The following OPCML variants were observed in gnomAD, a reference collection of about 807,000 sequenced individuals.
OPCML encodes the protein opioid-binding protein/cell adhesion molecule.
A neutral mutation model predicts 37.8 loss-of-function variants in OPCML; 13 were observed. The ratio of observed to expected loss-of-function variants is 0.34; its 90% confidence interval spans 0.22 to 0.55. The LOEUF is 0.55. OPCML is among the 20% of genes least tolerant of loss of function. The probability of loss-of-function intolerance (pLI) is 0.91; values close to 1 mark genes in which losing one functional copy is unlikely to be tolerated. For synonymous variants in OPCML, 176 were observed against 168.8 expected (o/e 1.04, Z -0.33); for missense variants, 341 against 435.6 (o/e 0.78, Z 1.93).
At chr11:133,060,847 G>A (rs979903328) in intron 1 of OPCML, among the ~76,000 whole-genome samples, 2 of 152,188 alleles carry the variant, frequency 1.3e-5, no homozygotes, top group Admixed American at 6.5e-5. Flanking sequence ...AACCCTACGT[G>A]GGCATCAGCC....
At chr11:133,098,850 G>A (rs1268193508) in intron 1 of OPCML, among the ~76,000 whole-genome samples, 1 of 152,032 alleles carries the variant, frequency 6.6e-6, no homozygotes, top group East Asian at 1.9e-4. Context: ...AAAATATAAT[G>A]CATATAGATG....
At chr11:133,448,763 T>G (rs889785403) in intron 1 of OPCML, among the ~76,000 whole-genome samples, 1 of 152,166 alleles carries the variant, frequency 6.6e-6, no homozygotes, top group Non-Finnish European at 1.5e-5. Context: ...AGTCCAGAAA[T>G]GTCTAGCATT....
chr11:132,466,224 G>T (rs2096118984), intron 4 of OPCML, among the ~76,000 whole-genome samples: 1 of 151,536 alleles, frequency 6.6e-6, no homozygotes, highest in South Asian at 2.1e-4. Context: ...GGTGGCTCAC[G>T]CCTGTCATCC....
intron 1 of OPCML, among the ~76,000 whole-genome samples, chr11:132,989,287 A>G (rs1946732680): frequency 6.6e-6 from 1 of 152,226 alleles, no homozygotes; most frequent in Admixed American, 6.5e-5. Context: ...ATAAATTAGA[A>G]TAATCTATTC....
intron 1 of OPCML, among the ~76,000 whole-genome samples, chr11:133,100,042 G>T (rs187964117): frequency 6.6e-6 from 1 of 152,116 alleles, no homozygotes; most frequent in Non-Finnish European, 1.5e-5. Context: ...AGCTGGAGGC[G>T]ATTATCATAA....
intron 4 of OPCML, among the ~76,000 whole-genome samples, chr11:132,521,415 C>T (rs565184207): frequency 6.6e-6 from 1 of 152,190 alleles, no homozygotes; most frequent in Middle Eastern, 3.4e-3. Flanking sequence ...GCTTTTCTTT[C>T]AATTGCTTTT....
chr11:132,520,674 A>ATGTGTGTGTGTGTG (rs1555144701), intron 4 of OPCML, among the ~76,000 whole-genome samples: 174 of 128,092 alleles, frequency 1.4e-3, no homozygotes, highest in East Asian at 4.4e-3. Flanking sequence ...CTAAATATAT[A>ATGTGTGTGTGTGTG]TGTGTGTGTG....
At chr11:132,841,958 A>G (rs1941311752) in intron 2 of OPCML, among the ~76,000 whole-genome samples, 1 of 151,870 alleles carries the variant, frequency 6.6e-6, no homozygotes, top group Admixed American at 6.6e-5. Context: ...ACCCAGGTCA[A>G]TCCATCTGCA....
At chr11:132,915,999 T>G (rs1565961061) in intron 2 of OPCML, among the ~76,000 whole-genome samples, 1 of 152,226 alleles carries the variant, frequency 6.6e-6, no homozygotes, top group Non-Finnish European at 1.5e-5. Flanking sequence ...TTTTTCCTCT[T>G]AATTACAAAA....
intron 3 of OPCML, among the ~76,000 whole-genome samples, chr11:132,634,014 G>A (rs931428084): frequency 5.3e-5 from 8 of 152,176 alleles, no homozygotes; most frequent in Non-Finnish European, 1.0e-4. Context: ...GATGGGGGTA[G>A]CAGTTGCAGG....
intron 1 of OPCML, among the ~76,000 whole-genome samples, chr11:132,959,934 A>G (rs897168739): frequency 6.6e-6 from 1 of 152,146 alleles, no homozygotes; most frequent in African/African-American, 2.4e-5. Flanking sequence ...CGTCCAAAAC[A>G]CTCACTGTTA....
intron 3 of OPCML, among the ~76,000 whole-genome samples, chr11:132,541,937 G>A (rs1473389152): frequency 6.6e-6 from 1 of 152,214 alleles, no homozygotes; most frequent in Admixed American, 6.5e-5. Context: ...TTGATGATCT[G>A]AGAAGTAGGT....
chr11:133,082,366 T>TC (rs1195480647), intron 1 of OPCML, among the ~76,000 whole-genome samples: 26 of 134,870 alleles, frequency 1.9e-4, no homozygotes, highest in African/African-American at 7.1e-4. Context: ...CGCTGCGCCG[T>TC]CCCCTCCCCA....
chr11:132,781,605 C>CACAA (rs1947017729), intron 2 of OPCML, among the ~76,000 whole-genome samples: 3 of 148,046 alleles, frequency 2.0e-5, no homozygotes, highest in Non-Finnish European at 4.5e-5. Context: ...TATACATACA[C>CACAA]ACACACACAC....
chr11:133,437,200 G>C (rs1433972750), intron 1 of OPCML, among the ~76,000 whole-genome samples: 1 of 152,196 alleles, frequency 6.6e-6, no homozygotes, highest in African/African-American at 2.4e-5. Context: ...AGTTTGTTAT[G>C]TATCAGGCAA....
In OPCML at chr11:133,148,763, C is replaced by G. The variant is rs539079419; in HGVS notation, c.62-205753G>C. On this transcript the variant is annotated intron_variant, in intron 1 of 7. Coordinates refer to ENST00000524381, the MANE Select transcript of OPCML (RefSeq NM_001012393.5). The stretch of plus-strand genomic sequence containing the variant: ...GAGGTCCAGAGTTTCAGTGAGCTGT[C>G]CAGGATCAGAGAGACCCAACTCAGA... 1.8e-4 allele frequency among the ~76,000 whole-genome samples: 28 copies of G among 152,258 alleles called. 1 individual carries two copies. In the South Asian group the frequency reaches 5.4e-3, roughly 29 times the overall value.
At chr11:133,464,913 A>G (rs1213422334) in intron 1 of OPCML, among the ~76,000 whole-genome samples, 2 of 152,096 alleles carry the variant, frequency 1.3e-5, no homozygotes, top group Non-Finnish European at 2.9e-5. Flanking sequence ...AGACTCGGGT[A>G]CCGCAGCTCT....
chr11:133,075,877 AC>A (rs1160731971), intron 1 of OPCML, among the ~76,000 whole-genome samples: 2 of 152,018 alleles, frequency 1.3e-5, no homozygotes, highest in African/African-American at 4.8e-5. Flanking sequence ...TCAAACCTCC[AC>A]CCAAATTCCA....
intron 1 of OPCML, among the ~76,000 whole-genome samples, chr11:133,002,344 A>G (rs1211913080): frequency 6.6e-6 from 1 of 152,220 alleles, no homozygotes; most frequent in Non-Finnish European, 1.5e-5. Context: ...CTGTATAGAC[A>G]GAAAGCACCT....
Sources: allele counts gnomAD v4.1 joint callset (sites outside exome capture counted in the v4.1 genomes callset), GRCh38; gene constraint gnomAD v4.1.1; transcripts MANE v1.5; gene names NCBI Gene and HGNC (gene_info 2026-07-23, HGNC 2026-07-21).